The following EFCAB6 variants were observed in gnomAD, a reference collection of about 807,000 sequenced individuals.
EFCAB6 encodes the protein EF-hand calcium-binding domain-containing protein 6.
EFCAB6 carries 156 observed loss-of-function variants against 169.8 expected under a neutral mutation model. The ratio of observed to expected loss-of-function variants is 0.92; its 90% confidence interval spans 0.81 to 1.05. The LOEUF is 1.05. EFCAB6 is among the 50% of genes least tolerant of loss of function. The probability of loss-of-function intolerance (pLI) is 0.00; values close to 1 mark genes in which losing one functional copy is unlikely to be tolerated. For missense variants in EFCAB6, 1,800 were observed against 1,829.1 expected, an observed-to-expected ratio of 0.98 and a Z score of 0.29; for synonymous variants, 698 against 676.4, an observed-to-expected ratio of 1.03 and a Z score of -0.50.
intron 23 of EFCAB6, among the ~76,000 whole-genome samples, chr22:43,594,322 T>A (rs2051829640): frequency 6.7e-6 from 1 of 150,064 alleles, no homozygotes; most frequent in South Asian, 2.1e-4. Context: ...TAACTAGTTT[T>A]AAAATTTGAA....
chr22:43,789,847 T>TCACA (rs34752280), intron 2 of EFCAB6, among the ~76,000 whole-genome samples: 11,060 of 143,276 alleles, frequency 0.077, 425 homozygotes, highest in South Asian at 0.094. Flanking sequence ...TGGCTAACCT[T>TCACA]CACACACACA....
rs147529580 is a variant in EFCAB6 at position 43,642,075 on chromosome 22, G to A, written c.1984-6859C>T. Among the ~76,000 whole-genome samples, 706 of 152,238 alleles carry A rather than the reference G, an allele frequency of 4.6e-3. 4 individuals carry two copies. The highest frequency in any genetic ancestry group is 0.016 in the African/African-American group (666 of 41,532). On this transcript the variant is annotated intron_variant, in intron 17 of 31. Coordinates refer to ENST00000262726, the MANE Select transcript of EFCAB6 (RefSeq NM_022785.4). ...CCTGCCTCAAGCCTCCTGAGTAGCTGGGATTACAGGCATGCGACACCACAC... is the reference window on the plus strand; with the variant it reads ...CCTGCCTCAAGCCTCCTGAGTAGCTAGGATTACAGGCATGCGACACCACAC...
intron 22 of EFCAB6, among the ~76,000 whole-genome samples, chr22:43,600,967 C>T (rs571449549): frequency 3.3e-5 from 5 of 152,180 alleles, no homozygotes; most frequent in East Asian, 1.9e-4. Context: ...CTCGCCCGTT[C>T]GGCAGTTTTT....
chr22:43,618,202 GAAA>G lies in EFCAB6; in HGVS notation c.2466-2283_2466-2281del, dbSNP rs1569257218. The stretch of plus-strand genomic sequence containing the variant: ...AGAAAGAAAGAAAGAAAGAAAGAAA[GAAA>G]GAAAGAAAGAAAGAAAGAGAAAGAA... On this transcript the variant is annotated intron_variant, in intron 20 of 31. Transcript: ENST00000262726. 8.2e-3 allele frequency among the ~76,000 whole-genome samples: 1,199 copies of G among 146,248 alleles called. 34 individuals carry two copies. Among genetic ancestry groups the G allele is most frequent in the Non-Finnish European group, 0.013 (847 of 65,948 alleles).
intron 13 of EFCAB6, among the ~76,000 whole-genome samples, chr22:43,677,627 C>CAG (rs1479550570): frequency 6.6e-6 from 1 of 152,028 alleles, no homozygotes; most frequent in African/African-American, 2.4e-5. Flanking sequence ...GCCTGGGCAA[C>CAG]AGAGAGAGAC....
chr22:43,683,780 C>T lies in EFCAB6; in HGVS notation c.1218G>A (p.Ala406=), dbSNP rs190470171. 369 of 1,613,356 alleles carry T rather than the reference C, an allele frequency of 2.3e-4. 1 individual carries two copies. The South Asian group carries it at 3.6e-3, about 16-fold the overall frequency. The change falls in exon 12 of 32, where the codon GCG becomes GCA. Residue 406 remains alanine (A), a synonymous_variant. Transcript: ENST00000262726. ...TTATCAGTAATGCTTTCTTCAGTGA[C>T]GCAGAGTGATCTTCAGTGTGTCTAA... ...KLFRHTEDHS[A]SLKKALLIIN...
At chr22:43,692,164 G>A (rs900116821) in intron 10 of EFCAB6, among the ~76,000 whole-genome samples, 1 of 152,070 alleles carries the variant, frequency 6.6e-6, no homozygotes, top group Non-Finnish European at 1.5e-5. Context: ...ACTCAAAATA[G>A]CTTAGCTAAA....
intron 6 of EFCAB6, among the ~76,000 whole-genome samples, chr22:43,753,867 C>A (rs112253393): frequency 1.4e-4 from 21 of 152,144 alleles, no homozygotes; most frequent in Admixed American, 1.2e-3. Flanking sequence ...CAGTAAGCCA[C>A]GTGGGCTCAT....
intron 27 of EFCAB6, among the ~76,000 whole-genome samples, chr22:43,541,139 A>C (rs532573230): frequency 2.0e-5 from 3 of 152,310 alleles, no homozygotes; most frequent in Non-Finnish European, 4.4e-5. Flanking sequence ...GCCTCCAGAG[A>C]GGCGAGGGGA....
At chr22:43,578,177 G>C (rs1208962654) in intron 25 of EFCAB6, among the ~76,000 whole-genome samples, 1 of 152,100 alleles carries the variant, frequency 6.6e-6, no homozygotes, top group Non-Finnish European at 1.5e-5. Flanking sequence ...GTGTGACCCT[G>C]GGCAGGTTTA....
chr22:43,800,058 A>G (rs1341987263), intron 2 of EFCAB6, among the ~76,000 whole-genome samples: 1 of 152,208 alleles, frequency 6.6e-6, no homozygotes. Flanking sequence ...AGGTGGGACT[A>G]CCATCTCCAG....
intron 10 of EFCAB6, among the ~76,000 whole-genome samples, chr22:43,690,854 T>A (rs1234907357): frequency 6.6e-6 from 1 of 151,938 alleles, no homozygotes; most frequent in East Asian, 1.9e-4. Context: ...CAGGTCTCAA[T>A]GCAATAACTG....
rs576407973 is a variant in EFCAB6 at position 43,617,933 on chromosome 22, C to T, written c.2466-2011G>A. On this transcript the variant is annotated intron_variant, in intron 20 of 31. Coordinates refer to ENST00000262726, the MANE Select transcript of EFCAB6 (RefSeq NM_022785.4). ...CCTGGCCAACATGGTGAAACCCCGT[C>T]TCTACTAAAAATACAAAAATCAACT... Among the ~76,000 whole-genome samples the T allele has an allele frequency of 5.9e-4, 89 of 151,758 alleles. 1 individual carries two copies. Among genetic ancestry groups the T allele is most frequent in the African/African-American group, 2.1e-3 (88 of 41,344 alleles).
At chr22:43,641,618 A>AC (rs2055808804) in intron 17 of EFCAB6, among the ~76,000 whole-genome samples, 3 of 147,620 alleles carry the variant, frequency 2.0e-5, no homozygotes, top group Admixed American at 2.0e-4. Context: ...CTCCATCTCA[A>AC]AAAAAAAAAA....
At chr22:43,751,548 C>T (rs574585655) in intron 6 of EFCAB6, among the ~76,000 whole-genome samples, 13 of 152,310 alleles carry the variant, frequency 8.5e-5, no homozygotes, top group Admixed American at 8.5e-4. Flanking sequence ...AGCTGGGACC[C>T]CACAGGCAGA....
In EFCAB6 at chr22:43,597,383, C is replaced by CT. The variant is rs555152825; in HGVS notation, c.2876+2685dup. Among the ~76,000 whole-genome samples the CT allele has an allele frequency of 3.9e-3, 589 of 152,262 alleles. 6 individuals carry two copies. Among genetic ancestry groups the CT allele is most frequent in the African/African-American group, 0.014 (565 of 41,558 alleles). On this transcript the variant is annotated intron_variant, in intron 23 of 31. Transcript: ENST00000262726. ...TAATAACCAGAATATATGAGGAACT[C>CT]TAACAACCCAACAGCATGAAAAGAA...
intron 10 of EFCAB6, among the ~76,000 whole-genome samples, chr22:43,704,994 AC>A (rs2058902761): frequency 6.6e-6 from 1 of 152,170 alleles, no homozygotes; most frequent in Admixed American, 6.5e-5. Flanking sequence ...GACTTGCCTC[AC>A]TTTTAAGGAC....
chr22:43,786,641 G>A (rs1343513380), intron 2 of EFCAB6, among the ~76,000 whole-genome samples: 1 of 152,058 alleles, frequency 6.6e-6, no homozygotes, highest in Non-Finnish European at 1.5e-5. Context: ...ATGAACCCAG[G>A]AGGCAGAGTT....
intron 6 of EFCAB6, among the ~76,000 whole-genome samples, chr22:43,751,075 G>A (rs544458671): frequency 6.6e-6 from 1 of 152,302 alleles, no homozygotes; most frequent in East Asian, 1.9e-4. Flanking sequence ...AGAGCTCCCT[G>A]ACTTGGGTAG....
Sources: allele counts gnomAD v4.1 joint callset (sites outside exome capture counted in the v4.1 genomes callset), GRCh38; gene constraint gnomAD v4.1.1; transcripts MANE v1.5; gene names NCBI Gene and HGNC (gene_info 2026-07-23, HGNC 2026-07-21).